Variants in MGA observed in about 807,000 individuals in gnomAD.
The protein encoded by MGA is MAX gene-associated protein.
A neutral mutation model predicts 261.1 loss-of-function variants in MGA; 40 were observed. That is an observed-to-expected ratio of 0.15 (90% CI 0.12 to 0.20). The LOEUF (loss-of-function observed/expected upper bound fraction) is 0.20, where lower values mean the gene tolerates loss of function less well. MGA is among the 10% of genes least tolerant of loss of function. The pLI, the probability that MGA is intolerant of heterozygous loss-of-function variation, is 1.00. For missense variants in MGA, 3,397 were observed against 3,630.5 expected (o/e 0.94, Z 1.65); for synonymous variants, 1,302 against 1,290.6 (o/e 1.01, Z -0.19).
chr15:41,764,154 A>G (rs2063659008), intron 22 of MGA, among the ~76,000 whole-genome samples: 1 of 151,502 alleles, frequency 6.6e-6, no homozygotes. Flanking sequence ...GTGAGACTCC[A>G]TCTCAAAAAA....
chr15:41,694,646 C>T (rs2059459519), intron 2 of MGA, among the ~76,000 whole-genome samples: 1 of 151,912 alleles, frequency 6.6e-6, no homozygotes. Context: ...CCTGCCTCAG[C>T]CTCCCGAGTA....
intron 2 of MGA, among the ~76,000 whole-genome samples, chr15:41,670,607 G>A (rs1595641359): frequency 6.6e-6 from 1 of 152,142 alleles, no homozygotes; most frequent in Admixed American, 6.5e-5. Flanking sequence ...CTGGGTTCAC[G>A]CCATTCTCCT....
intron 1 of MGA, among the ~76,000 whole-genome samples, chr15:41,626,803 C>T (rs2056466284): frequency 6.6e-6 from 1 of 152,118 alleles, no homozygotes; most frequent in Admixed American, 6.5e-5. Context: ...CCTAGCTTCC[C>T]TTCCAGCTTT....
chr15:41,643,934 A>T (rs879525991), intron 1 of MGA, among the ~76,000 whole-genome samples: 5,018 of 152,044 alleles, frequency 0.033, 139 homozygotes, highest in South Asian at 0.07. Flanking sequence ...TTTTTTCCAT[A>T]AAAGTTTTAT....
At chr15:41,699,650 T>C (rs1377050120) in intron 5 of MGA, among the ~76,000 whole-genome samples, 3 of 152,156 alleles carry the variant, frequency 2.0e-5, no homozygotes, top group Admixed American at 1.3e-4. Flanking sequence ...CACAGGCGCC[T>C]GCCACCGCGC....
rs111576283 is a variant in MGA at position 41,766,302 on chromosome 15, A to G, written c.8220A>G (p.Gln2740=). ...ACGTTTCCAATATGCAGAAAGCACA[A>G]GAGTTCTTACCTAAAAAGATTTCTG... is the stretch of plus-strand genomic sequence containing the variant. The change falls in exon 24 of 24, where the codon CAA becomes CAG. Residue 2740 remains glutamine (Q), a synonymous_variant. Transcript: ENST00000219905. The G allele has an allele frequency of 7.8e-4, 1,251 of 1,613,940 alleles. 12 individuals are homozygous for G. The African/African-American group carries it at 0.015, about 19-fold the overall frequency.
intron 1 of MGA, among the ~76,000 whole-genome samples, chr15:41,661,035 T>C (rs1288342233): frequency 6.6e-6 from 1 of 152,224 alleles, no homozygotes; most frequent in African/African-American, 2.4e-5. Context: ...TTTTGACACC[T>C]GTGCAAACGT....
intron 22 of MGA, among the ~76,000 whole-genome samples, chr15:41,764,452 A>C (rs1409492756): frequency 6.6e-6 from 1 of 151,938 alleles, no homozygotes; most frequent in Non-Finnish European, 1.5e-5. Flanking sequence ...ATGGGGTTTC[A>C]CCGTGTTAGC....
intron 1 of MGA, among the ~76,000 whole-genome samples, chr15:41,646,264 C>T (rs961830464): frequency 1.3e-5 from 2 of 152,098 alleles, no homozygotes; most frequent in African/African-American, 2.4e-5. Context: ...GTTGCATCCT[C>T]ATTTGTAGTT....
intron 1 of MGA, among the ~76,000 whole-genome samples, chr15:41,641,242 A>G (rs1214013721): frequency 1.3e-5 from 2 of 152,186 alleles, no homozygotes; most frequent in Non-Finnish European, 2.9e-5. Flanking sequence ...CAGTTGATGA[A>G]CATTTGGGTT....
chr15:41,761,183 T>G (rs2063435077), intron 20 of MGA, among the ~76,000 whole-genome samples: 1 of 152,252 alleles, frequency 6.6e-6, no homozygotes, highest in South Asian at 2.1e-4. Flanking sequence ...TAGCACTTAG[T>G]ACAGGTTATC....
chr15:41,641,487 C>CTTTTTT (rs35157141), intron 1 of MGA, among the ~76,000 whole-genome samples: 1 of 123,690 alleles, frequency 8.1e-6, no homozygotes, highest in Non-Finnish European at 1.7e-5. Flanking sequence ...CATCCTAACA[C>CTTTTTT]TTTTTTTTTT....
upstream of MGA, among the ~76,000 whole-genome samples, chr15:41,656,724 A>G (rs1289636634): frequency 6.6e-6 from 1 of 151,726 alleles, no homozygotes; most frequent in Non-Finnish European, 1.5e-5. Flanking sequence ...TTCTCTTAAC[A>G]TTTTCTAAAA....
rs536722848 is a variant in MGA at position 41,664,002 on chromosome 15, A to G, written c.-68+3477A>G. On this transcript the variant is annotated intron_variant, in intron 1 of 23. Coordinates refer to ENST00000219905, the MANE Select transcript of MGA (RefSeq NM_001164273.2). ...GAATCTGTGCCTAGATTGATGTAGA[A>G]TAAGAATTTCATTCCATGTTCTTAA... is the stretch of plus-strand genomic sequence containing the variant. 4.5e-4 allele frequency among the ~76,000 whole-genome samples: 68 copies of G among 152,362 alleles called. No homozygotes were observed. The South Asian group carries it at 0.011, about 24-fold the overall frequency.
At chr15:41,705,660 C>G (rs2060069626) in intron 5 of MGA, among the ~76,000 whole-genome samples, 1 of 152,182 alleles carries the variant, frequency 6.6e-6, no homozygotes, top group African/African-American at 2.4e-5. Flanking sequence ...AAATGCCAGG[C>G]CTGCAAAATG....
intron 1 of MGA, among the ~76,000 whole-genome samples, chr15:41,643,116 G>A (rs901018305): frequency 1.3e-5 from 2 of 149,536 alleles, no homozygotes; most frequent in Non-Finnish European, 3.0e-5. Flanking sequence ...TGTGTTGCTG[G>A]GGTTGGTCTT....
At chr15:41,664,805 C>G (rs2057634250) in intron 1 of MGA, among the ~76,000 whole-genome samples, 1 of 151,912 alleles carries the variant, frequency 6.6e-6, no homozygotes, top group African/African-American at 2.4e-5. Flanking sequence ...TTGTGACTTC[C>G]GTTTAGTTTT....
At position 41,650,282 on chromosome 15, in the gene MGA, C is replaced by CT; in HGVS notation, c.-67-18540dup. The stretch of plus-strand genomic sequence containing the variant: ...TTGAGGAATTAATGAATACTCTGTT[C>CT]TTTTTTGTCATGTGCCTTTGCATAA... On this transcript the variant is annotated intron_variant, in intron 1 of 8. Coordinates refer to the MGA transcript ENST00000566718. Among the ~76,000 whole-genome samples the CT allele has an allele frequency of 2.0e-5, 3 of 152,262 alleles. 1 individual carries two copies. The highest frequency in any genetic ancestry group is 3.4e-3 in the Middle Eastern group (1 of 294).
chr15:41,636,676 A>G (rs929559254), intron 1 of MGA, among the ~76,000 whole-genome samples: 2 of 151,940 alleles, frequency 1.3e-5, no homozygotes, highest in African/African-American at 4.8e-5. Flanking sequence ...CAACCTCCCA[A>G]AGTGCTGGGA....
Sources: gnomAD v4.1 joint callset for allele counts (sites outside exome capture counted in the v4.1 genomes callset) on GRCh38, gnomAD v4.1.1 for gene constraint, MANE v1.5 for transcripts, NCBI Gene and HGNC (gene_info 2026-07-23, HGNC 2026-07-21) for gene names.